Variants in CELA1 observed in about 807,000 individuals in gnomAD.
The protein encoded by CELA1 is chymotrypsin like elastase 1.
In CELA1, 28 loss-of-function variants were observed where a neutral mutation model predicts 34.8. The ratio of observed to expected loss-of-function variants is 0.80; its 90% CI spans 0.60 to 1.10. The LOEUF is 1.10. Ranked by LOEUF, CELA1 falls within the 50% of genes least tolerant of loss-of-function variation. The pLI, the probability that CELA1 is intolerant of heterozygous loss-of-function variation, is 0.00. For missense variants in CELA1, 288 were observed against 327.5 expected, an observed-to-expected ratio of 0.88 and a Z score of 0.93; for synonymous variants, 140 against 129.8, an observed-to-expected ratio of 1.08 and a Z score of -0.53.
intron 6 of CELA1, among the ~76,000 whole-genome samples, chr12:51,332,815 C>T (rs1343455711): frequency 3.3e-5 from 5 of 152,020 alleles, no homozygotes; most frequent in Non-Finnish European, 7.4e-5. Context: ...GCTGAGATCA[C>T]GCTACCGTAC....
At chr12:51,338,066 C>T (rs1458960181) in intron 6 of CELA1, among the ~76,000 whole-genome samples, 1 of 151,096 alleles carries the variant, frequency 6.6e-6, no homozygotes, top group Non-Finnish European at 1.5e-5. Context: ...TGGTGAAATC[C>T]TGTCTCTACT....
At chr12:51,346,138 C>T (rs1946563779) in intron 1 of CELA1, among the ~76,000 whole-genome samples, 1 of 151,972 alleles carries the variant, frequency 6.6e-6, no homozygotes. Context: ...CAGGCTAGGC[C>T]CCAGAGGCTC....
chr12:51,342,538 A>G (rs1946542466), intron 4 of CELA1, 37 bp downstream of exon 4: 2 of 1,613,574 alleles, frequency 1.2e-6, no homozygotes, highest in African/African-American at 2.7e-5. Flanking sequence ...GTCAGGCCTC[A>G]CCGCCCAGCC....
chr12:51,338,859 C>T (rs1164733622), intron 6 of CELA1, among the ~76,000 whole-genome samples: 2 of 152,056 alleles, frequency 1.3e-5, no homozygotes, highest in Admixed American at 1.3e-4. Context: ...CGCCTGTATT[C>T]CCAGCACTTT....
rs17860361 is a variant in CELA1, at chr12:51,329,897, C to A, written c.610-64G>T. The A allele has an allele frequency of 3.0e-5, 43 of 1,449,382 alleles. No homozygotes were observed. The African/African-American group carries it at 5.5e-4, about 19-fold the overall frequency. 89.8% of individuals were successfully genotyped at this position (1,449,382 alleles called of 1,614,324 possible). A position where few individuals can be genotyped will look rare whatever the true frequency, so the allele number is the denominator to read the frequency against. On this transcript the variant is annotated intron_variant, in intron 6 of 7. Transcript: ENST00000293636. ...TTCGGGCTTTTGCTTGCACTCCCCC[C>A]GCCCCCGTCTCTGGTTGTGAAATTC... is the stretch of plus-strand genomic sequence containing the variant.
chr12:51,334,742 T>C (rs1440290185), intron 6 of CELA1, among the ~76,000 whole-genome samples: 2 of 152,206 alleles, frequency 1.3e-5, no homozygotes, highest in South Asian at 2.1e-4. Flanking sequence ...CCTAATCCTT[T>C]CATTTTTTAT....
At chr12:51,331,473 A>G (rs1946469445) in intron 6 of CELA1, among the ~76,000 whole-genome samples, 1 of 152,250 alleles carries the variant, frequency 6.6e-6, no homozygotes, top group African/African-American at 2.4e-5. Context: ...TCAGACAGCA[A>G]AAAGAGCCTT....
At chr12:51,338,544 G>C (rs1946514431) in intron 6 of CELA1, among the ~76,000 whole-genome samples, 1 of 151,806 alleles carries the variant, frequency 6.6e-6, no homozygotes, top group African/African-American at 2.4e-5. Flanking sequence ...ATTCCTATTT[G>C]CCCCTCAGGA....
In CELA1 at chr12:51,341,370, C is replaced by T. The variant is rs17860312; in HGVS notation, c.337G>A (p.Ala113Thr). 37 of 1,613,942 alleles carry T rather than the reference C, an allele frequency of 2.3e-5. No homozygotes were observed. The Admixed American group carries it at 3.2e-4, about 14-fold the overall frequency. Residue 113 changes from alanine to threonine, a missense_variant, in exon 5 of 8, where the codon GCC becomes ACC. Transcript: ENST00000293636. The part of the protein sequence containing the change: ...SDNVAAGYDI[A>T]LLRLAQSVTL... Reference sequence around the variant, plus strand: ...ACGCTCTGGGCCAGGCGCAGCAGGGCGATGTCATAGCTGCAGGAGAAAAGG... The same window carrying T: ...ACGCTCTGGGCCAGGCGCAGCAGGGTGATGTCATAGCTGCAGGAGAAAAGG...
rs1177773245 is a variant in CELA1, at chr12:51,328,517, G to A, written c.*60C>T. On this transcript the variant is annotated 3_prime_UTR_variant, in exon 8 of 8. Coordinates refer to ENST00000293636, the MANE Select transcript of CELA1 (RefSeq NM_001971.6). ...TCAGAATGTGTTTTACTTTTTGATC[G>A]CAAGTCCTACTGCAGATCTAAGAAC... The A allele has an allele frequency of 2.2e-5, 34 of 1,564,808 alleles. No homozygotes were observed. Among genetic ancestry groups the A allele is most frequent in the East Asian group, 2.0e-4 (9 of 44,606 alleles).
At position 51,338,507 on chromosome 12, in the gene CELA1, A is replaced by T. The variant is rs186484789; in HGVS notation, c.609+1353T>A. On this transcript the variant is annotated intron_variant, in intron 6 of 7. Coordinates refer to ENST00000293636, the MANE Select transcript of CELA1 (RefSeq NM_001971.6). ...TATTCATGCCGTTCCCTCCCTCTGA[A>T]TGTCTTTTCTCCTTTTTGCCTGGCC... Among the ~76,000 whole-genome samples, 369 of 151,922 alleles carry T rather than the reference A, an allele frequency of 2.4e-3. 2 individuals are homozygous for T. Among genetic ancestry groups the T allele is most frequent in the African/African-American group, 8.3e-3 (345 of 41,418 alleles).
At chr12:51,336,604 G>A (rs533916075) in intron 6 of CELA1, among the ~76,000 whole-genome samples, 1 of 152,324 alleles carries the variant, frequency 6.6e-6, no homozygotes, top group South Asian at 2.1e-4. Context: ...TCCAGCCTGG[G>A]TGAGAGAGGG....
At chr12:51,337,938 G>A (rs184523487) in intron 6 of CELA1, among the ~76,000 whole-genome samples, 25,533 of 149,492 alleles carry the variant, frequency 0.17, 2,852 homozygotes, top group East Asian at 0.54. Context: ...ATATATATAT[G>A]TATATGGCCA....
rs1284841858 is a variant in CELA1, at chr12:51,341,344, A to G, written c.363T>C (p.Val121=). ...DIALLRLAQS[V]TLNSYVQLGV... ...CCAGCTGGACATAGCTATTGAGGGT[A>G]ACGCTCTGGGCCAGGCGCAGCAGGG... is the stretch of plus-strand genomic sequence containing the variant. The change falls in exon 5 of 8, where the codon GTT becomes GTC. Residue 121 remains valine, a synonymous_variant. Transcript: ENST00000293636. The G allele has an allele frequency of 1.2e-6, 2 of 1,614,230 alleles. No individual in the cohort carries two copies. The highest frequency in any genetic ancestry group is 3.3e-5 in the Admixed American group (2 of 60,020).
At chr12:51,337,914 A>G (rs1326362563) in intron 6 of CELA1, among the ~76,000 whole-genome samples, 2 of 147,018 alleles carry the variant, frequency 1.4e-5, no homozygotes, top group Admixed American at 1.5e-4. Context: ...CTGTCTCAAA[A>G]AAAAAACAAA....
chr12:51,329,538 C>T (rs1185794718), intron 7 of CELA1, 146 bp downstream of exon 7: 7 of 829,548 alleles, frequency 8.4e-6, no homozygotes, highest in African/African-American at 6.9e-5. Flanking sequence ...GAAAGTACAC[C>T]GTGGAAGGAA....
intron 6 of CELA1, among the ~76,000 whole-genome samples, chr12:51,333,981 G>A (rs944474956): frequency 6.6e-6 from 1 of 152,182 alleles, no homozygotes; most frequent in African/African-American, 2.4e-5. Context: ...AAATCAGTGG[G>A]GATGGGTTGA....
chr12:51,342,842 G>T (rs1009718653), intron 3 of CELA1, 142 bp from the exon 4 acceptor site: 1 of 905,116 alleles, frequency 1.1e-6, no homozygotes, highest in Non-Finnish European at 1.6e-6. Flanking sequence ...ATGGGGTTTT[G>T]CTGTGTTGCC....
At chr12:51,332,150 A>C (rs1250821431) in intron 6 of CELA1, among the ~76,000 whole-genome samples, 3 of 151,170 alleles carry the variant, frequency 2.0e-5, no homozygotes, top group African/African-American at 7.3e-5. Context: ...GTGCTACTGC[A>C]CTCCAGCCTG....
Sources: allele counts gnomAD v4.1 joint callset (sites outside exome capture counted in the v4.1 genomes callset), GRCh38; gene constraint gnomAD v4.1.1; transcripts MANE v1.5; gene names NCBI Gene and HGNC (gene_info 2026-07-23, HGNC 2026-07-21).